The following CASZ1 variants were observed in gnomAD, a reference collection of about 807,000 sequenced individuals.
The protein encoded by CASZ1 is castor zinc finger 1.
In CASZ1, 28 loss-of-function variants were observed where a neutral mutation model predicts 135.2. That is an observed-to-expected ratio of 0.21 (90% CI 0.15 to 0.28). The LOEUF (loss-of-function observed/expected upper bound fraction) is 0.28, where lower values mean the gene tolerates loss of function less well. Ranked by LOEUF, CASZ1 falls within the 10% of genes least tolerant of loss-of-function variation. The probability of loss-of-function intolerance (pLI) is 1.00; values close to 1 mark genes in which losing one functional copy is unlikely to be tolerated. For synonymous variants in CASZ1, 1,068 were observed against 1,073.4 expected (o/e 0.99, Z 0.10); for missense variants, 2,161 against 2,453.3 (o/e 0.88, Z 2.52).
At chr1:10,675,016 C>G (rs925069507) in intron 4 of CASZ1, among the ~76,000 whole-genome samples, 19 of 128,240 alleles carry the variant, frequency 1.5e-4, no homozygotes, top group Non-Finnish European at 2.2e-4. Context: ...TGCTCAGATA[C>G]CCCCCGCAAC....
chr1:10,760,315 G>A (rs1640348976), intron 2 of CASZ1, among the ~76,000 whole-genome samples: 2 of 152,234 alleles, frequency 1.3e-5, no homozygotes, highest in African/African-American at 2.4e-5. Context: ...TCTGGGAGTG[G>A]CATCTGATGG....
rs1206616887 is a variant in CASZ1 at position 10,774,648 on chromosome 1, G to GA, written c.-233-13792dup. Among the ~76,000 whole-genome samples, 1 of 152,100 alleles carries GA rather than the reference G, an allele frequency of 6.6e-6. No homozygotes were observed. Among genetic ancestry groups the GA allele is most frequent in the Non-Finnish European group, 1.5e-5 (1 of 68,024 alleles). ...ACACAGAGCTCTGGCCCCACTGCTG[G>GA]AGACTGGCCTGACTCTTGGGTATCT... On this transcript the variant is annotated intron_variant, in intron 1 of 20. Coordinates refer to ENST00000377022, the MANE Select transcript of CASZ1 (RefSeq NM_001079843.3). The surrounding 1 kb of genome is among the most constrained non-coding windows in gnomAD (Gnocchi z 4.4).
chr1:10,663,403 CAA>C (rs2100280983), intron 5 of CASZ1, among the ~76,000 whole-genome samples: 1 of 152,264 alleles, frequency 6.6e-6, no homozygotes, highest in African/African-American at 2.4e-5. Context: ...CTCAAGAAAC[CAA>C]AAGACAGCTG....
Position 10,710,311 on chromosome 1 carries a change from A to G in CASZ1, c.-76-4767T>C, listed in dbSNP as rs559132509. On this transcript the variant is annotated intron_variant, in intron 2 of 20. Coordinates refer to ENST00000377022, the MANE Select transcript of CASZ1 (RefSeq NM_001079843.3). The stretch of plus-strand genomic sequence containing the variant: ...TCCCCATGCCTGGCCAGGGACTTCA[A>G]TGGTGAATTCGAGGCCCTGCCTGAC... Among the ~76,000 whole-genome samples, 5 of 152,148 alleles carry G rather than the reference A, an allele frequency of 3.3e-5. No homozygotes were observed. In the South Asian group the frequency reaches 8.3e-4, roughly 25 times the overall value.
At chr1:10,723,006 G>A (rs796613788) in intron 2 of CASZ1, among the ~76,000 whole-genome samples, 8 of 152,396 alleles carry the variant, frequency 5.2e-5, no homozygotes, top group African/African-American at 1.9e-4. Context: ...CTCACCTGAT[G>A]TGCGCCCACG....
At position 10,727,866 on chromosome 1, in the gene CASZ1, T is replaced by C. The variant is rs1054439345; in HGVS notation, c.-76-22322A>G. Among the ~76,000 whole-genome samples, 29 of 152,146 alleles carry C rather than the reference T, an allele frequency of 1.9e-4. No individual in the cohort carries two copies. The highest frequency in any genetic ancestry group is 7.4e-5 in the Non-Finnish European group (5 of 68,014). On this transcript the variant is annotated intron_variant, in intron 2 of 20. Coordinates refer to ENST00000377022, the MANE Select transcript of CASZ1 (RefSeq NM_001079843.3). This position sits in a 1 kb window ranked among gnomAD's most constrained non-coding sequence, Gnocchi z 5.3. Reference sequence around the variant, plus strand: ...AGTGGCCAGACAGCATGTATGAGTGTTGGGGGTGAGCTGGGGGGAGAACTC... The same window carrying C: ...AGTGGCCAGACAGCATGTATGAGTGCTGGGGGTGAGCTGGGGGGAGAACTC...
intron 11 of CASZ1, 84 bp from the exon 12 acceptor site, chr1:10,651,160 G>A (rs1642568100): frequency 8.3e-7 from 1 of 1,199,990 alleles, no homozygotes; most frequent in Non-Finnish European, 1.1e-6. Context: ...CCTGGAGGGA[G>A]GGCAGTGGGC....
chr1:10,682,843 G>A (rs1278597485), intron 4 of CASZ1, among the ~76,000 whole-genome samples: 2 of 152,238 alleles, frequency 1.3e-5, no homozygotes, highest in African/African-American at 2.4e-5. Context: ...AACCCCATAT[G>A]GCCCTTGGAG....
chr1:10,783,715 A>G (rs929676425), intron 1 of CASZ1, among the ~76,000 whole-genome samples: 19 of 152,034 alleles, frequency 1.2e-4, no homozygotes, highest in African/African-American at 4.3e-4. Flanking sequence ...TCTACTAAAA[A>G]TACAAAATTA....
chr1:10,660,628 G>A (rs774902310), intron 5 of CASZ1, 92 bp from the exon 6 acceptor site: 1 of 976,200 alleles, frequency 1.0e-6, no homozygotes, highest in Non-Finnish European at 1.6e-6. Context: ...TAGAGGGAGG[G>A]GGTCAGTGTG....
chr1:10,674,363 CCACCAGCCGA>C (rs1184048176), intron 4 of CASZ1, among the ~76,000 whole-genome samples: 1 of 152,256 alleles, frequency 6.6e-6, no homozygotes, highest in African/African-American at 2.4e-5. Flanking sequence ...GCCCAAGCCC[CCACCAGCCGA>C]CGCAGACAGT....
chr1:10,730,115 A>G (rs763819739), intron 2 of CASZ1, among the ~76,000 whole-genome samples: 15 of 140,000 alleles, frequency 1.1e-4, no homozygotes, highest in Admixed American at 2.1e-4. Context: ...TTATTTATTT[A>G]TTTATTTATT....
rs754385537 is a variant in CASZ1, at chr1:10,767,458, G to A, written c.-233-6601C>T. ...AGATCCCTGGAGGGGACAGGGCGGG[G>A]GCGATGGGAGCACAGGCTTCCCCTA... On this transcript the variant is annotated intron_variant, in intron 1 of 20. Coordinates refer to ENST00000377022, the MANE Select transcript of CASZ1 (RefSeq NM_001079843.3). The surrounding 1 kb of genome is among the most constrained non-coding windows in gnomAD (Gnocchi z 4.2). 6.6e-6 allele frequency among the ~76,000 whole-genome samples: 1 copy of A among 152,174 alleles called. No individual in the cohort carries two copies. The highest frequency in any genetic ancestry group is 1.5e-5 in the Non-Finnish European group (1 of 68,032).
chr1:10,754,136 G>A (rs1184451139), intron 2 of CASZ1, among the ~76,000 whole-genome samples: 1 of 152,142 alleles, frequency 6.6e-6, no homozygotes, highest in Non-Finnish European at 1.5e-5. Flanking sequence ...TCACCCAAAT[G>A]TCACCATCGC....
rs777582751 is a variant in CASZ1 at position 10,645,121 on chromosome 1, G to A, written c.3697-33C>T. On this transcript the variant is annotated intron_variant, in intron 17 of 20. Transcript: ENST00000377022. ...GAGACACGGGAGGGTCAGGACAGGC[G>A]GGTGACTTTCAAGAGCTCCTGCCTG... 28 of 1,599,238 alleles carry A rather than the reference G, an allele frequency of 1.8e-5. No individual in the cohort carries two copies. The East Asian group carries it at 3.6e-4, about 20-fold the overall frequency.
At chr1:10,672,533 C>A (rs1205078242) in intron 4 of CASZ1, among the ~76,000 whole-genome samples, 3 of 146,936 alleles carry the variant, frequency 2.0e-5, no homozygotes, top group African/African-American at 7.4e-5. Flanking sequence ...TGTGTCTGTC[C>A]TTTATTAAAT....
chr1:10,680,798 C>A (rs574384273), intron 4 of CASZ1, among the ~76,000 whole-genome samples: 1 of 152,260 alleles, frequency 6.6e-6, no homozygotes, highest in Admixed American at 6.5e-5. Flanking sequence ...GACTAGGAAG[C>A]GGGAAAGCAG....
chr1:10,694,978 G>T lies in CASZ1; in HGVS notation c.-23-1066C>A, dbSNP rs549652541. Among the ~76,000 whole-genome samples, 7,655 of 145,674 alleles carry T rather than the reference G, an allele frequency of 0.053. 517 individuals carry two copies. The highest frequency in any genetic ancestry group is 0.15 in the African/African-American group (6,096 of 40,446). On this transcript the variant is annotated intron_variant, in intron 3 of 20. Transcript: ENST00000377022. The surrounding 1 kb of genome is among the most constrained non-coding windows in gnomAD (Gnocchi z 6.6). Reference sequence around the variant, plus strand: ...CGGCCGCCGCGCGCGCCTGCCCCACGACCCGCGCGGCCGCGCTAACTTTTC... The same window carrying T: ...CGGCCGCCGCGCGCGCCTGCCCCACTACCCGCGCGGCCGCGCTAACTTTTC...
At chr1:10,737,253 G>A (rs1401779278) in intron 2 of CASZ1, among the ~76,000 whole-genome samples, 2 of 152,200 alleles carry the variant, frequency 1.3e-5, no homozygotes, top group South Asian at 4.1e-4. Context: ...ATTGGTTTCC[G>A]ATTTTCATTA....
Sources: allele counts gnomAD v4.1 joint callset (sites outside exome capture counted in the v4.1 genomes callset), GRCh38; gene constraint gnomAD v4.1.1; non-coding constraint Gnocchi (gnomAD v3.1); transcripts MANE v1.5; gene names NCBI Gene and HGNC (gene_info 2026-07-23, HGNC 2026-07-21).